TTC38: variants seen among roughly 807,000 people sequenced by gnomAD.
The protein encoded by TTC38 is tetratricopeptide repeat protein 38.
Under a neutral mutation model 64.2 loss-of-function variants are expected in TTC38, and 64 were observed. The observed-to-expected ratio is 1.00, with a 90% confidence interval of 0.81 to 1.23. TTC38 has a LOEUF of 1.23. Among genes scored for constraint, TTC38 ranks in the 50% most tolerant of loss-of-function variants. The probability of loss-of-function intolerance (pLI) is 0.00; values close to 1 mark genes in which losing one functional copy is unlikely to be tolerated. For synonymous variants in TTC38, 254 were observed against 249.3 expected (o/e 1.02, Z -0.18); for missense variants, 573 against 615.5 (o/e 0.93, Z 0.73).
chr22:46,283,013 C>T (rs753082063), intron 7 of TTC38, among the ~76,000 whole-genome samples: 1 of 152,172 alleles, frequency 6.6e-6, no homozygotes, highest in African/African-American at 2.4e-5. Context: ...ACCGCAGCCT[C>T]GACCGCCTGG....
rs1387551011 is a variant in TTC38 at position 46,274,689 on chromosome 22, G to A, written c.366-559G>A. ...TCCACCTCAGAGACTTCCTGTGGCTGTCTCACGGTCTCCACTGGGATTATC... is the reference window on the plus strand; with the variant it reads ...TCCACCTCAGAGACTTCCTGTGGCTATCTCACGGTCTCCACTGGGATTATC... On this transcript the variant is annotated intron_variant, in intron 4 of 13. Coordinates refer to ENST00000381031, the MANE Select transcript of TTC38 (RefSeq NM_017931.4). This position sits in a 1 kb window ranked among gnomAD's most constrained non-coding sequence, Gnocchi z 4.8. 6.6e-6 allele frequency among the ~76,000 whole-genome samples: 1 copy of A among 151,986 alleles called. No individual in the cohort carries two copies. The highest frequency in any genetic ancestry group is 1.5e-5 in the Non-Finnish European group (1 of 68,012).
At position 46,282,194 on chromosome 22, in the gene TTC38, C is replaced by T. The variant is rs751991225; in HGVS notation, c.735+476C>T. 2.1e-5 allele frequency: 7 copies of T among 329,848 alleles called. No homozygotes were observed. Among genetic ancestry groups the T allele is most frequent in the Admixed American group, 4.0e-5 (1 of 24,736 alleles). The allele number at this position is 329,848 out of a possible 1,614,324, so 20.4% of individuals were successfully genotyped here. A position where few individuals can be genotyped will look rare whatever the true frequency, so the allele number is the denominator to read the frequency against. ...GGGGAAGATGGAGGGCATCCTAGCC[C>T]GTCACTAGCTTGAGCAAGGCCTCCA... On this transcript the variant is annotated intron_variant, in intron 7 of 13. Coordinates refer to ENST00000381031, the MANE Select transcript of TTC38 (RefSeq NM_017931.4). This position sits in a 1 kb window ranked among gnomAD's most constrained non-coding sequence, Gnocchi z 4.4.
chr22:46,290,590 G>A (rs1200020875), intron 13 of TTC38, among the ~76,000 whole-genome samples: 1 of 149,604 alleles, frequency 6.7e-6, no homozygotes, highest in Admixed American at 6.6e-5. Context: ...TGTTAGGAGG[G>A]TGGCGTGGCT....
intron 10 of TTC38, among the ~76,000 whole-genome samples, chr22:46,288,066 T>TG (rs1207740934): frequency 6.6e-6 from 1 of 151,674 alleles, no homozygotes; most frequent in Non-Finnish European, 1.5e-5. Context: ...GTGGGGAGCC[T>TG]GGGGGATCCT....
chr22:46,285,829 A>G (rs2077567579), intron 9 of TTC38, among the ~76,000 whole-genome samples: 1 of 151,784 alleles, frequency 6.6e-6, no homozygotes, highest in Non-Finnish European at 1.5e-5. Flanking sequence ...CCTGGCCAAC[A>G]TGGTGAAACG....
At chr22:46,287,200 A>C in intron 10 of TTC38, 46 bp downstream of exon 10, 16 of 1,491,830 alleles carry the variant, frequency 1.1e-5, no homozygotes, top group South Asian at 2.4e-5. Flanking sequence ...TTCCTCCCAC[A>C]TCATGAGGAG....
Position 46,278,587 on chromosome 22 carries a change from T to A in TTC38, c.541T>A (p.Tyr181Asn). The part of the protein sequence containing the change: ...FWTPDIPLSS[Y>N]VKGIYSFGLM... The stretch of plus-strand genomic sequence containing the variant: ...TGAGATCTTTTTTTCTGTTTTTAGC[T>A]ATGTGAAAGGCATCTACTCTTTTGG... Residue 181 changes from tyrosine (Y) to asparagine (N), a missense_variant and splice_region_variant, in exon 6 of 14, where the codon TAT (tyrosine) becomes AAT (asparagine). Transcript: ENST00000381031. 1 of 1,613,810 alleles carries A rather than the reference T, an allele frequency of 6.2e-7. No individual in the cohort carries two copies. The highest frequency in any genetic ancestry group is 8.5e-7 in the Non-Finnish European group (1 of 1,179,710).
rs964655960 is a variant in TTC38, at chr22:46,281,049, G to T, written c.616-550G>T. On this transcript the variant is annotated intron_variant, in intron 6 of 13. Transcript: ENST00000381031. This position sits in a 1 kb window ranked among gnomAD's most constrained non-coding sequence, Gnocchi z 5.2. ...AGGTCATGGGAGCGGCTGTTGTCAT[G>T]AACTGTGATAACCTCAGAGCCAGCT... Among the ~76,000 whole-genome samples, 16 of 152,224 alleles carry T rather than the reference G, an allele frequency of 1.1e-4. No individual in the cohort carries two copies. The highest frequency in any genetic ancestry group is 3.9e-4 in the African/African-American group (16 of 41,458).
At chr22:46,269,932 A>T (rs544476902) in intron 2 of TTC38, among the ~76,000 whole-genome samples, 2 of 152,304 alleles carry the variant, frequency 1.3e-5, no homozygotes, top group Non-Finnish European at 2.9e-5. Flanking sequence ...AGCTGGGATT[A>T]TAGGCACGCA....
Position 46,281,520 on chromosome 22 carries a change from T to G in TTC38, c.616-79T>G. 1.8e-5 allele frequency: 23 copies of G among 1,274,016 alleles called. No individual in the cohort carries two copies. Among genetic ancestry groups the G allele is most frequent in the East Asian group, 1.8e-4 (5 of 28,472 alleles). The allele number at this position is 1,274,016 out of a possible 1,614,324, so 78.9% of individuals were successfully genotyped here. On this transcript the variant is annotated intron_variant, in intron 6 of 13. Coordinates refer to ENST00000381031, the MANE Select transcript of TTC38 (RefSeq NM_017931.4). This position sits in a 1 kb window ranked among gnomAD's most constrained non-coding sequence, Gnocchi z 5.2. ...GTTCAGCCCAGGCCCCTCTTGCCCCTTAGAGACCTGCCGTCGCCTGCCCCG... is the reference window on the plus strand; with the variant it reads ...GTTCAGCCCAGGCCCCTCTTGCCCCGTAGAGACCTGCCGTCGCCTGCCCCG...
Position 46,273,847 on chromosome 22 carries a change from G to C in TTC38, c.194-51G>C. On this transcript the variant is annotated intron_variant, in intron 3 of 13. Transcript: ENST00000381031. The surrounding 1 kb of genome is among the most constrained non-coding windows in gnomAD (Gnocchi z 5.1). Reference sequence around the variant, plus strand: ...TGACATGTGGAGTCTGGGCTGGGATGGGCTGAGCTGGACCATCTGAACCAC... The same window carrying C: ...TGACATGTGGAGTCTGGGCTGGGATCGGCTGAGCTGGACCATCTGAACCAC... 6.3e-7 allele frequency: 1 copy of C among 1,594,566 alleles called. No individual in the cohort carries two copies. The highest frequency in any genetic ancestry group is 1.1e-5 in the South Asian group (1 of 90,196).
At chr22:46,278,314 T>G (rs2077507935) in intron 5 of TTC38, among the ~76,000 whole-genome samples, 1 of 152,200 alleles carries the variant, frequency 6.6e-6, no homozygotes, top group Non-Finnish European at 1.5e-5. Context: ...CTCGCAGCTG[T>G]ATCACTCTGC....
chr22:46,275,174 A>G lies in TTC38; in HGVS notation c.366-74A>G. 7.1e-7 allele frequency: 1 copy of G among 1,413,938 alleles called. No homozygotes were observed. The highest frequency in any genetic ancestry group is 2.0e-5 in the Admixed American group (1 of 49,372). 87.6% of individuals were successfully genotyped at this position (1,413,938 alleles called of 1,614,324 possible). The stretch of plus-strand genomic sequence containing the variant: ...ATGTAGACCATGACACTGGTGAGAA[A>G]CAATGCCTCTTACACTCCCTGTGTG... On this transcript the variant is annotated intron_variant, in intron 4 of 13. Transcript: ENST00000381031. This position sits in a 1 kb window ranked among gnomAD's most constrained non-coding sequence, Gnocchi z 4.5.
At chr22:46,285,493 C>A (rs1006580905) in intron 9 of TTC38, among the ~76,000 whole-genome samples, 1 of 152,156 alleles carries the variant, frequency 6.6e-6, no homozygotes, top group South Asian at 2.1e-4. Context: ...CTGCTCAACT[C>A]GAGGGTGCTG....
chr22:46,284,748 G>A (rs572735416), intron 8 of TTC38, among the ~76,000 whole-genome samples: 2 of 150,990 alleles, frequency 1.3e-5, no homozygotes, highest in Non-Finnish European at 2.9e-5. Context: ...GCATGGTGGC[G>A]CCTCCCTGTA....
rs1292641802 is a variant in TTC38 at position 46,291,018 on chromosome 22, T to A, written c.1316+1119T>A. ...GGCCCTTGGCTGGTGACAAGCCCAG[T>A]GGTTTAGGCGCAGGTGCACCAGCGC... On this transcript the variant is annotated intron_variant, in intron 13 of 13. Coordinates refer to ENST00000381031, the MANE Select transcript of TTC38 (RefSeq NM_017931.4). The surrounding 1 kb of genome is among the most constrained non-coding windows in gnomAD (Gnocchi z 4.6). Among the ~76,000 whole-genome samples, 1 of 152,044 alleles carries A rather than the reference T, an allele frequency of 6.6e-6. No individual in the cohort carries two copies. The highest frequency in any genetic ancestry group is 2.4e-5 in the African/African-American group (1 of 41,376).
chr22:46,292,635 C>A lies in TTC38; in HGVS notation c.1317-156C>A, dbSNP rs951293748. On this transcript the variant is annotated intron_variant, in intron 13 of 13. Transcript: ENST00000381031. The surrounding 1 kb of genome is among the most constrained non-coding windows in gnomAD (Gnocchi z 6.5). ...CCTCCCATCCTCACCTCTCCCCAAA[C>A]TGAGGCCAGGCCTCCTGCCCCTGGG... 1.3e-5 allele frequency among the ~76,000 whole-genome samples: 2 copies of A among 152,256 alleles called. No individual in the cohort carries two copies. Among genetic ancestry groups the A allele is most frequent in the Non-Finnish European group, 2.9e-5 (2 of 68,044 alleles).
At position 46,281,634 on chromosome 22, in the gene TTC38, G is replaced by A. The variant is rs202040339; in HGVS notation, c.651G>A (p.Val217=). Residue 217 remains valine (V), a synonymous_variant, in exon 7 of 14, where the codon GTG becomes GTA. Transcript: ENST00000381031. The surrounding 1 kb of genome is among the most constrained non-coding windows in gnomAD (Gnocchi z 5.2). ...TTAACCCGACAGACGCATGGTCGGTGCACACCGTCGCTCACATCCACGAGA... is the reference window on the plus strand; with the variant it reads ...TTAACCCGACAGACGCATGGTCGGTACACACCGTCGCTCACATCCACGAGA... ...LSINPTDAWS[V]HTVAHIHEMK... 2.5e-6 allele frequency: 4 copies of A among 1,614,048 alleles called. No homozygotes were observed. The East Asian group carries it at 8.9e-5, about 36-fold the overall frequency.
chr22:46,270,264 T>C lies in TTC38; in HGVS notation c.111+1673T>C, dbSNP rs9627363. Among the ~76,000 whole-genome samples the C allele has an allele frequency of 0.15, 22,427 of 152,130 alleles. 4,006 individuals are homozygous for C. The highest frequency in any genetic ancestry group is 0.43 in the African/African-American group (17,748 of 41,418). ...TATCTTGTCAAAATGCTTGCGTAGC[T>C]TATAGTCTCAGCTATTTGGGAGGCT... On this transcript the variant is annotated intron_variant, in intron 2 of 13. Coordinates refer to ENST00000381031, the MANE Select transcript of TTC38 (RefSeq NM_017931.4). The surrounding 1 kb of genome is among the most constrained non-coding windows in gnomAD (Gnocchi z 4.7).
Sources: gnomAD v4.1 joint callset for allele counts (sites outside exome capture counted in the v4.1 genomes callset) on GRCh38, gnomAD v4.1.1 for gene constraint, Gnocchi (gnomAD v3.1) non-coding constraint, MANE v1.5 for transcripts, NCBI Gene and HGNC (gene_info 2026-07-23, HGNC 2026-07-21) for gene names.